Variants in CACNA2D3 observed in about 807,000 individuals in gnomAD.
The protein encoded by CACNA2D3 is voltage-dependent calcium channel subunit alpha-2/delta-3.
In CACNA2D3, 60 loss-of-function variants were observed where a neutral mutation model predicts 160.6. That is an observed-to-expected ratio of 0.37 (90% CI 0.30 to 0.46). The LOEUF (loss-of-function observed/expected upper bound fraction) is 0.46. Among genes scored for constraint, CACNA2D3 ranks in the 20% least tolerant of loss-of-function variants. The pLI is 1.00. For synonymous variants in CACNA2D3, 558 were observed against 492.9 expected (o/e 1.13, Z -1.75); for missense variants, 1,205 against 1,365.0 (o/e 0.88, Z 1.85).
intron 4 of CACNA2D3, among the ~76,000 whole-genome samples, chr3:54,500,567 CTTTT>C (rs1701278223): frequency 7.9e-6 from 1 of 126,778 alleles, no homozygotes; most frequent in Non-Finnish European, 1.6e-5. Flanking sequence ...CTCTCTCTTT[CTTTT>C]CTTTTCATTC....
chr3:54,493,060 C>CTTTTTTTTTTTTTTTTTTTT (rs34225864), intron 4 of CACNA2D3, among the ~76,000 whole-genome samples: 2 of 58,796 alleles, frequency 3.4e-5, no homozygotes, highest in African/African-American at 1.5e-4. Flanking sequence ...TTGCTCAAAA[C>CTTTTTTTTTTTTTTTTTTTT]TTTTTTTTTT....
At chr3:54,755,263 G>A (rs1011186631) in intron 12 of CACNA2D3, among the ~76,000 whole-genome samples, 1 of 152,132 alleles carries the variant, frequency 6.6e-6, no homozygotes, top group African/African-American at 2.4e-5. Context: ...GCTGAATTGG[G>A]GGTGGGCAGA....
At chr3:54,286,325 A>G (rs1465325353) in intron 2 of CACNA2D3, among the ~76,000 whole-genome samples, 4 of 152,248 alleles carry the variant, frequency 2.6e-5, no homozygotes, top group African/African-American at 9.6e-5. Context: ...AAGAAAGGGT[A>G]TCAGCAATGG....
chr3:54,994,914 T>C (rs987505), intron 31 of CACNA2D3, among the ~76,000 whole-genome samples: 18,223 of 152,180 alleles, frequency 0.12, 1,205 homozygotes, highest in African/African-American at 0.18. Flanking sequence ...AGTTTTTCTT[T>C]TTACATTCAT....
intron 4 of CACNA2D3, among the ~76,000 whole-genome samples, chr3:54,497,753 A>G (rs978550661): frequency 4.6e-5 from 7 of 151,930 alleles, no homozygotes; most frequent in African/African-American, 9.7e-5. Context: ...AATCCTTTTC[A>G]TTAGGTTGAA....
At chr3:54,198,483 C>T (rs760006263) in intron 2 of CACNA2D3, among the ~76,000 whole-genome samples, 26 of 152,348 alleles carry the variant, frequency 1.7e-4, no homozygotes, top group Non-Finnish European at 3.1e-4. Context: ...GATGGGCCAG[C>T]CGCTCTGTGG....
intron 27 of CACNA2D3, among the ~76,000 whole-genome samples, chr3:54,909,511 A>T (rs1037244712): frequency 6.6e-6 from 1 of 152,136 alleles, no homozygotes; most frequent in Non-Finnish European, 1.5e-5. Context: ...GAAAAAAGGG[A>T]CGGGCATGAG....
intron 3 of CACNA2D3, among the ~76,000 whole-genome samples, chr3:54,373,208 G>A (rs1014347687): frequency 4.6e-5 from 7 of 152,188 alleles, no homozygotes; most frequent in Non-Finnish European, 1.5e-5. Flanking sequence ...TGTGTAAAAT[G>A]TTCAGGGACC....
At chr3:55,004,661 G>T (rs1435575757) in intron 31 of CACNA2D3, 102 bp from the exon 32 acceptor site, 2 of 748,976 alleles carry the variant, frequency 2.7e-6, no homozygotes, top group African/African-American at 1.7e-5. Flanking sequence ...GTTTGTCACC[G>T]TTGCACTTGA....
intron 9 of CACNA2D3, among the ~76,000 whole-genome samples, chr3:54,586,392 A>G (rs1490589884): frequency 6.6e-6 from 1 of 152,232 alleles, no homozygotes; most frequent in Non-Finnish European, 1.5e-5. Context: ...ATACCATATA[A>G]AGTCTTCAGG....
chr3:54,735,992 TACATATATATATATGTATATATATAC>T (rs1701492972), intron 11 of CACNA2D3, among the ~76,000 whole-genome samples: 8 of 98,746 alleles, frequency 8.1e-5, no homozygotes, highest in East Asian at 2.1e-4. Flanking sequence ...TATATATATA[TACATATATATATATGTATATATATAC>T]ACATACATAT....
chr3:54,943,050 A>C (rs913936996), intron 27 of CACNA2D3, among the ~76,000 whole-genome samples: 5 of 151,954 alleles, frequency 3.3e-5, no homozygotes, highest in Middle Eastern at 3.4e-3. Context: ...TAAAAACTCA[A>C]AATTAACCAT....
intron 3 of CACNA2D3, among the ~76,000 whole-genome samples, chr3:54,323,994 G>T (rs1028598338): frequency 1.8e-4 from 27 of 152,116 alleles, no homozygotes; most frequent in African/African-American, 6.3e-4. Context: ...AAACAACCCT[G>T]ATTTATTAAC....
rs1393602933 is a variant in CACNA2D3 at position 54,927,627 on chromosome 3, T to C, written c.2449+27759T>C. 2.0e-5 allele frequency among the ~76,000 whole-genome samples: 3 copies of C among 152,310 alleles called. No homozygotes were observed. In the East Asian group the frequency reaches 5.8e-4, roughly 29 times the overall value. ...TCCACTTTTCCCCCCAAAGGAATAATATACGAACTCCAACTACAAGCACCA... is the reference window on the plus strand; with the variant it reads ...TCCACTTTTCCCCCCAAAGGAATAACATACGAACTCCAACTACAAGCACCA... On this transcript the variant is annotated intron_variant, in intron 27 of 37. Transcript: ENST00000474759.
At chr3:55,031,169 C>T (rs772842544) in intron 35 of CACNA2D3, among the ~76,000 whole-genome samples, 24 of 152,274 alleles carry the variant, frequency 1.6e-4, no homozygotes, top group Non-Finnish European at 2.5e-4. Context: ...ACACTATTGA[C>T]GTCTGCAAGT....
chr3:54,767,228 A>G (rs571001119), intron 13 of CACNA2D3, among the ~76,000 whole-genome samples: 1 of 152,306 alleles, frequency 6.6e-6, no homozygotes, highest in African/African-American at 2.4e-5. Flanking sequence ...TGAATCCAAT[A>G]ATATTTCAAG....
chr3:54,344,945 G>A (rs1055529180), intron 3 of CACNA2D3, among the ~76,000 whole-genome samples: 1 of 152,272 alleles, frequency 6.6e-6, no homozygotes. Flanking sequence ...AAATGGCCAC[G>A]GGAGTGACCT....
At chr3:54,906,638 A>G (rs1310699028) in intron 27 of CACNA2D3, among the ~76,000 whole-genome samples, 1 of 152,196 alleles carries the variant, frequency 6.6e-6, no homozygotes, top group Non-Finnish European at 1.5e-5. Context: ...ACCAGGTTCT[A>G]CAACCAGAGC....
chr3:54,586,019 C>G (rs1055370689), intron 9 of CACNA2D3, among the ~76,000 whole-genome samples: 3 of 152,108 alleles, frequency 2.0e-5, no homozygotes, highest in Admixed American at 1.3e-4. Flanking sequence ...AATCCTAGCA[C>G]TTTGGGAGGC....
Sources: allele counts gnomAD v4.1 joint callset (sites outside exome capture counted in the v4.1 genomes callset), GRCh38; gene constraint gnomAD v4.1.1; transcripts MANE v1.5; gene names NCBI Gene and HGNC (gene_info 2026-07-23, HGNC 2026-07-21).